NPAS3: variants seen among roughly 807,000 people sequenced by gnomAD.
NPAS3 encodes neuronal PAS domain protein 3.
NPAS3 carries 14 observed loss-of-function variants against 73.1 expected under a neutral mutation model. The observed-to-expected ratio is 0.19, with a 90% confidence interval of 0.13 to 0.30. NPAS3 has a LOEUF of 0.30. Among genes scored for constraint, NPAS3 ranks in the 10% least tolerant of loss-of-function variants. NPAS3 has a pLI of 1.00. For missense variants in NPAS3, 1,096 were observed against 1,250.0 expected, an observed-to-expected ratio of 0.88 and a Z score of 1.86; for synonymous variants, 620 against 541.5, an observed-to-expected ratio of 1.14 and a Z score of -2.01.
At chr14:33,695,491 A>G (rs1396148427) in intron 6 of NPAS3, among the ~76,000 whole-genome samples, 1 of 152,210 alleles carries the variant, frequency 6.6e-6, no homozygotes, top group Non-Finnish European at 1.5e-5. Flanking sequence ...TGAAAAATCA[A>G]AATCAGACTT....
intron 7 of NPAS3, among the ~76,000 whole-genome samples, chr14:33,772,832 G>A (rs2138455513): frequency 6.6e-6 from 1 of 152,244 alleles, no homozygotes; most frequent in African/African-American, 2.4e-5. Context: ...AAAGCTTAAA[G>A]CAAAGGTGCA....
intron 3 of NPAS3, among the ~76,000 whole-genome samples, chr14:33,247,103 A>T (rs2048419504): frequency 6.6e-6 from 1 of 152,276 alleles, no homozygotes; most frequent in Non-Finnish European, 1.5e-5. Flanking sequence ...GTATTTGTGC[A>T]AACTTCCTTA....
chr14:32,971,623 G>A (rs770979706), intron 1 of NPAS3, among the ~76,000 whole-genome samples: 2 of 152,130 alleles, frequency 1.3e-5, no homozygotes, highest in African/African-American at 2.4e-5. Flanking sequence ...TAGTAGAAGT[G>A]ATGTTTTGTG....
chr14:33,488,106 G>A (rs1215515578), intron 4 of NPAS3, among the ~76,000 whole-genome samples: 2 of 152,094 alleles, frequency 1.3e-5, no homozygotes, highest in Non-Finnish European at 2.9e-5. Flanking sequence ...AGATGAGGTG[G>A]TGTCACTTCT....
In NPAS3 at chr14:33,731,437, AAAAG is replaced by A. The variant is rs914082327; in HGVS notation, c.734-3775_734-3772del. 8.6e-5 allele frequency among the ~76,000 whole-genome samples: 13 copies of A among 151,080 alleles called. No individual in the cohort carries two copies. The East Asian group carries it at 9.7e-4, about 11-fold the overall frequency. On this transcript the variant is annotated intron_variant, in intron 6 of 11. Transcript: ENST00000356141. Reference sequence around the variant, plus strand: ...CTGTCTCATTTGAAAAAAAAAAAAAAAAAGAGAGAGAGAAAGAAAAAAAGGCCCT... The same window carrying A: ...CTGTCTCATTTGAAAAAAAAAAAAAAAGAGAGAGAAAGAAAAAAAGGCCCT...
At chr14:33,659,947 T>C (rs1437436568) in intron 5 of NPAS3, among the ~76,000 whole-genome samples, 1 of 152,130 alleles carries the variant, frequency 6.6e-6, no homozygotes, top group African/African-American at 2.4e-5. Context: ...CTGAGCATTT[T>C]GCATGAAGAA....
At chr14:33,471,486 G>A (rs761901101) in intron 4 of NPAS3, among the ~76,000 whole-genome samples, 21 of 152,238 alleles carry the variant, frequency 1.4e-4, no homozygotes, top group South Asian at 2.1e-4. Context: ...AGTGGGAGTC[G>A]GGAGACAGCG....
At chr14:33,798,898 T>C (rs2063591978) in intron 11 of NPAS3, among the ~76,000 whole-genome samples, 1 of 143,934 alleles carries the variant, frequency 6.9e-6, no homozygotes, top group Admixed American at 7.5e-5. Flanking sequence ...CCCAGCACTT[T>C]GGGAGGCTGA....
At position 33,565,889 on chromosome 14, in the gene NPAS3, A is replaced by T. The variant is rs2055902427; in HGVS notation, c.558+5679A>T. Among the ~76,000 whole-genome samples the T allele has an allele frequency of 3.3e-5, 5 of 152,058 alleles. No homozygotes were observed. The South Asian group carries it at 1.0e-3, about 32-fold the overall frequency. On this transcript the variant is annotated intron_variant, in intron 5 of 11. Transcript: ENST00000356141. ...AAACGTTTCAAGTAGACATACCTTA[A>T]TTTTTTTAAAAAAAAGCAGAAAAAT... is the stretch of plus-strand genomic sequence containing the variant.
chr14:33,233,249 G>A (rs533229964), intron 3 of NPAS3, among the ~76,000 whole-genome samples: 5 of 152,144 alleles, frequency 3.3e-5, no homozygotes, highest in Non-Finnish European at 2.9e-5. Flanking sequence ...AATGAACCCC[G>A]AATGCTATAA....
chr14:33,193,255 T>G (rs1442715199), intron 2 of NPAS3, among the ~76,000 whole-genome samples: 1 of 152,022 alleles, frequency 6.6e-6, no homozygotes, highest in Non-Finnish European at 1.5e-5. Flanking sequence ...ATAGATTGGT[T>G]TGAGATGCAA....
At chr14:33,576,784 G>A (rs922948489) in intron 5 of NPAS3, among the ~76,000 whole-genome samples, 4 of 152,104 alleles carry the variant, frequency 2.6e-5, no homozygotes, top group South Asian at 4.2e-4. Context: ...TGCTGTTTGC[G>A]AGACATTCCT....
chr14:33,052,276 G>A (rs1324898418), intron 1 of NPAS3, among the ~76,000 whole-genome samples: 5 of 152,110 alleles, frequency 3.3e-5, no homozygotes, highest in African/African-American at 1.2e-4. Flanking sequence ...AAAAACAGCA[G>A]TGCAATCCTT....
intron 4 of NPAS3, among the ~76,000 whole-genome samples, chr14:33,501,006 A>G (rs2052486632): frequency 6.6e-6 from 1 of 152,038 alleles, no homozygotes; most frequent in Non-Finnish European, 1.5e-5. Flanking sequence ...TTTAAAAAAT[A>G]TTCATACTTA....
intron 1 of NPAS3, among the ~76,000 whole-genome samples, chr14:32,968,260 G>C (rs1321426433): frequency 1.3e-5 from 2 of 152,128 alleles, no homozygotes; most frequent in African/African-American, 2.4e-5. Flanking sequence ...GAAATAACAA[G>C]TGTTTGAGGT....
chr14:33,479,086 G>T (rs8013005), intron 4 of NPAS3, among the ~76,000 whole-genome samples: 1 of 151,980 alleles, frequency 6.6e-6, no homozygotes, highest in South Asian at 2.1e-4. Flanking sequence ...GCAATAAAAG[G>T]CTAAGGAAAA....
intron 5 of NPAS3, among the ~76,000 whole-genome samples, chr14:33,595,301 G>A (rs1034676803): frequency 1.3e-5 from 2 of 151,634 alleles, no homozygotes; most frequent in Admixed American, 6.6e-5. Flanking sequence ...TGTGGCAAGC[G>A]GCCAAAAATT....
At chr14:33,776,088 A>G (rs1307149986) in intron 8 of NPAS3, among the ~76,000 whole-genome samples, 1 of 152,220 alleles carries the variant, frequency 6.6e-6, no homozygotes, top group African/African-American at 2.4e-5. Flanking sequence ...TTCAGAAGTC[A>G]GACTGAATGG....
intron 3 of NPAS3, among the ~76,000 whole-genome samples, chr14:33,276,057 T>G (rs1022062760): frequency 6.6e-6 from 1 of 152,132 alleles, no homozygotes; most frequent in African/African-American, 2.4e-5. Context: ...TGCTTTCTGT[T>G]CTGAGATGAA....
Sources: allele counts gnomAD v4.1 joint callset (sites outside exome capture counted in the v4.1 genomes callset), GRCh38; gene constraint gnomAD v4.1.1; transcripts MANE v1.5; gene names NCBI Gene and HGNC (gene_info 2026-07-23, HGNC 2026-07-21).